ARHGAP6: variants seen among roughly 807,000 people sequenced by gnomAD.
ARHGAP6 encodes Rho GTPase activating protein 6, also known as rho GTPase-activating protein 6.
ARHGAP6 carries 16 observed loss-of-function variants against 55.7 expected under a neutral mutation model. That is an observed-to-expected ratio of 0.29 (90% confidence interval 0.19 to 0.44). ARHGAP6 has a LOEUF of 0.44. ARHGAP6 is among the 20% of genes least tolerant of loss of function. The pLI, the probability that ARHGAP6 is intolerant of heterozygous loss-of-function variation, is 1.00. For synonymous variants in ARHGAP6, 382 were observed against 360.9 expected (o/e 1.06, Z -0.66); for missense variants, 698 against 808.9 (o/e 0.86, Z 1.66).
intron 2 of ARHGAP6, among the ~76,000 whole-genome samples, chrX:11,207,230 T>C (rs1388312442): frequency 9.1e-6 from 1 of 109,321 alleles, no homozygotes; most frequent in Non-Finnish European, 1.9e-5. Flanking sequence ...GGTCTCACTA[T>C]GTTGGCCAGG....
intron 1 of ARHGAP6, among the ~76,000 whole-genome samples, chrX:11,280,453 G>A (rs2047840128): frequency 8.9e-6 from 1 of 112,057 alleles, no homozygotes; most frequent in South Asian, 3.7e-4. Context: ...AAAAGAGCCA[G>A]AAGATTCTGG....
intron 1 of ARHGAP6, among the ~76,000 whole-genome samples, chrX:11,361,714 G>C (rs1378211947): frequency 9.0e-6 from 1 of 111,329 alleles, no homozygotes. Flanking sequence ...AGAGTGAATA[G>C]GCAACCTACA....
At chrX:11,558,990 C>T (rs749564149) in intron 1 of ARHGAP6, among the ~76,000 whole-genome samples, 3 of 105,704 alleles carry the variant, frequency 2.8e-5, no homozygotes, top group African/African-American at 6.9e-5. Flanking sequence ...ACTTTTGTTC[C>T]GCTTCTGCTT....
rs2051814045 is a variant in ARHGAP6 at position 11,590,869 on chromosome X, G to GGAAAGAAGGAAAGAAAGAAA, written c.588+73371_588+73372insTTTCTTTCTTTCCTTCTTTC. Reference sequence around the variant, plus strand: ...AAGAAAAGAAAAGAAAAGAAAAGAAGGAAAGAAAGAAAGAAAGAAAGAAAG... The same window carrying GGAAAGAAGGAAAGAAAGAAA: ...AAGAAAAGAAAAGAAAAGAAAAGAAGGAAAGAAGGAAAGAAAGAAAGAAAGAAAGAAAGAAAGAAAGAAAG... On this transcript the variant is annotated intron_variant, in intron 1 of 12. Coordinates refer to ENST00000337414, the MANE Select transcript of ARHGAP6 (RefSeq NM_013427.3). 4.5e-4 allele frequency among the ~76,000 whole-genome samples: 11 copies of GGAAAGAAGGAAAGAAAGAAA among 24,220 alleles called. 1 individual carries two copies. The highest frequency in any genetic ancestry group is 0.021 in the Middle Eastern group (1 of 48). The allele number at this position is 24,220 out of a possible 115,157, so 21.0% of individuals were successfully genotyped here. A position where few individuals can be genotyped will look rare whatever the true frequency, so the allele number is the denominator to read the frequency against.
At chrX:11,513,165 C>T (rs1404439473) in intron 1 of ARHGAP6, among the ~76,000 whole-genome samples, 1 of 111,035 alleles carries the variant, frequency 9.0e-6, no homozygotes, top group African/African-American at 3.3e-5. Context: ...TGCAATACTG[C>T]CCTCTTATCT....
intron 2 of ARHGAP6, among the ~76,000 whole-genome samples, chrX:11,218,647 A>G (rs1401476392): frequency 9.0e-6 from 1 of 111,520 alleles, no homozygotes; most frequent in African/African-American, 3.3e-5. Context: ...AGAACTTGTT[A>G]TTGGTCTATT....
chrX:11,406,782 A>G lies in ARHGAP6; in HGVS notation c.589-152075T>C, dbSNP rs73500807. Among the ~76,000 whole-genome samples, 818 of 111,671 alleles carry G rather than the reference A, an allele frequency of 7.3e-3. 7 individuals are homozygous for G. Among genetic ancestry groups the G allele is most frequent in the African/African-American group, 0.025 (772 of 30,683 alleles). On this transcript the variant is annotated intron_variant, in intron 1 of 12. Transcript: ENST00000337414. ...TCTGTTTCAGTTTCCCATGACATAA[A>G]ATAAACTGTCACCTACAAACTGCAA...
rs1181352793 is a variant in ARHGAP6, at chrX:11,182,105, C to T, written c.1287G>A (p.Val429=). 5 of 1,204,765 alleles carry T rather than the reference C, an allele frequency of 4.2e-6. No individual in the cohort carries two copies. In the African/African-American group the frequency reaches 8.8e-5, roughly 21 times the overall value. ...QHLEKHGLQT[V]GIFRVGSSKK... is the part of the protein sequence containing the mutation. ...TTGAGCTTCCAACTCGGAATATCCC[C>T]ACTGTCTGGAGGCCTGCAAATAAGC... Residue 429 remains valine, a synonymous_variant, in exon 6 of 13, where the codon GTG becomes GTA. Transcript: ENST00000337414.
At chrX:11,394,285 C>T (rs982951306) in intron 1 of ARHGAP6, among the ~76,000 whole-genome samples, 3 of 111,836 alleles carry the variant, frequency 2.7e-5, no homozygotes, top group Non-Finnish European at 5.6e-5. Flanking sequence ...CAAAAGACCA[C>T]ATGTCATGTT....
In ARHGAP6 at chrX:11,496,574, GA is replaced by G. The variant is rs374354098; in HGVS notation, c.588+167666del. 1.9e-3 allele frequency among the ~76,000 whole-genome samples: 205 copies of G among 109,520 alleles called. 1 individual carries two copies. The South Asian group carries it at 0.02, about 11-fold the overall frequency. On this transcript the variant is annotated intron_variant, in intron 1 of 12. Transcript: ENST00000337414. Reference sequence around the variant, plus strand: ...AATGTATTCAGATTATTTTGAACTAGAAAAAAAAAGAATTATTGTGCTTATT... The same window carrying G: ...AATGTATTCAGATTATTTTGAACTAGAAAAAAAAGAATTATTGTGCTTATT...
chrX:11,151,700 C>G (rs1248812810), intron 10 of ARHGAP6, among the ~76,000 whole-genome samples: 1 of 112,105 alleles, frequency 8.9e-6, no homozygotes, highest in African/African-American at 3.2e-5. Context: ...AATGTTTGCT[C>G]TTTCAAAACA....
chrX:11,502,133 T>C (rs758651499), intron 1 of ARHGAP6, among the ~76,000 whole-genome samples: 4 of 112,838 alleles, frequency 3.5e-5, no homozygotes, highest in Admixed American at 2.8e-4. Context: ...TGGAATAAAC[T>C]GTTGTATATT....
chrX:11,401,338 C>T (rs2049546339), intron 1 of ARHGAP6, among the ~76,000 whole-genome samples: 1 of 111,791 alleles, frequency 8.9e-6, no homozygotes, highest in African/African-American at 3.3e-5. Context: ...GTCCTCATAG[C>T]ATGGCCAAAG....
chrX:11,582,957 CAAAAAAT>C (rs1569407755), intron 1 of ARHGAP6, among the ~76,000 whole-genome samples: 1 of 111,336 alleles, frequency 9.0e-6, no homozygotes, highest in Non-Finnish European at 1.9e-5. Context: ...TACATTGAAA[CAAAAAAT>C]AAATCATAGC....
chrX:11,152,567 C>T (rs2081726634), intron 10 of ARHGAP6, among the ~76,000 whole-genome samples: 1 of 111,545 alleles, frequency 9.0e-6, no homozygotes, highest in African/African-American at 3.3e-5. Context: ...CCCAAATATC[C>T]AGGCTTGTTT....
intron 1 of ARHGAP6, among the ~76,000 whole-genome samples, chrX:11,420,385 G>C (rs2147776818): frequency 8.9e-6 from 1 of 111,917 alleles, no homozygotes; most frequent in East Asian, 2.8e-4. Flanking sequence ...TTAATTAATT[G>C]TGTTTGTAAA....
At chrX:11,499,292 C>T (rs1264783977) in intron 1 of ARHGAP6, among the ~76,000 whole-genome samples, 3 of 111,216 alleles carry the variant, frequency 2.7e-5, no homozygotes, top group East Asian at 2.8e-4. Flanking sequence ...ATGTTTATTG[C>T]GGAATTGGGA....
At chrX:11,335,976 G>C (rs1384563080) in intron 1 of ARHGAP6, 1 of 119,095 alleles carries the variant, frequency 8.4e-6, no homozygotes, top group Non-Finnish European at 1.7e-5. Flanking sequence ...GCAGAACCAG[G>C]GGGCATGGAC....
chrX:11,549,415 A>G (rs1173769107), intron 1 of ARHGAP6, among the ~76,000 whole-genome samples: 2 of 112,245 alleles, frequency 1.8e-5, no homozygotes, highest in African/African-American at 6.5e-5. Flanking sequence ...ACGATATAAA[A>G]AGAGCTCAAC....
Sources: gnomAD v4.1 joint callset for allele counts (sites outside exome capture counted in the v4.1 genomes callset) on GRCh38, gnomAD v4.1.1 for gene constraint, MANE v1.5 for transcripts, NCBI Gene and HGNC (gene_info 2026-07-23, HGNC 2026-07-21) for gene names.